Variants in BACH2 observed in about 807,000 individuals in gnomAD.
The protein encoded by BACH2 is transcription regulator protein BACH2.
Under a neutral mutation model 61.8 loss-of-function variants are expected in BACH2, and 5 were observed. That is an observed-to-expected ratio of 0.08 (90% CI 0.04 to 0.17). The LOEUF is 0.17. Ranked by LOEUF, BACH2 falls within the 10% of genes least tolerant of loss-of-function variation. BACH2 has a pLI of 1.00. For missense variants in BACH2, 824 were observed against 1,091.1 expected (o/e 0.76, Z 3.45); for synonymous variants, 446 against 440.1 (o/e 1.01, Z -0.17).
Position 90,064,666 on chromosome 6 carries a change from A to G in BACH2, c.-13+24295T>C, listed in dbSNP as rs1310359113. Among the ~76,000 whole-genome samples, 4 of 152,240 alleles carry G rather than the reference A, an allele frequency of 2.6e-5. No homozygotes were observed. In the East Asian group the frequency reaches 7.7e-4, roughly 29 times the overall value. Reference sequence around the variant, plus strand: ...TAATAAGTGGGTAGTAGGGGTAGACAGGAAATAACAAATGGATGGTAGAGC... The same window carrying G: ...TAATAAGTGGGTAGTAGGGGTAGACGGGAAATAACAAATGGATGGTAGAGC... On this transcript the variant is annotated intron_variant, in intron 5 of 8. Coordinates refer to ENST00000257749, the MANE Select transcript of BACH2 (RefSeq NM_021813.4).
chr6:90,016,038 C>A (rs778230799), intron 5 of BACH2, among the ~76,000 whole-genome samples: 1 of 152,070 alleles, frequency 6.6e-6, no homozygotes, highest in East Asian at 1.9e-4. Flanking sequence ...TGGAAATATT[C>A]TTTGCTCTGA....
At chr6:90,166,500 T>A (rs941543615) in intron 4 of BACH2, among the ~76,000 whole-genome samples, 3 of 152,204 alleles carry the variant, frequency 2.0e-5, no homozygotes, top group Non-Finnish European at 2.9e-5. Flanking sequence ...AGTGTGGCGA[T>A]TCCTCAGGGA....
intron 6 of BACH2, among the ~76,000 whole-genome samples, chr6:89,980,416 G>A (rs1775886799): frequency 6.6e-6 from 1 of 152,204 alleles, no homozygotes; most frequent in Non-Finnish European, 1.5e-5. Context: ...GCCATGTGCT[G>A]CTCTGTACAG....
intron 5 of BACH2, among the ~76,000 whole-genome samples, chr6:90,029,157 C>G (rs1024908987): frequency 2.6e-5 from 4 of 152,192 alleles, no homozygotes; most frequent in Non-Finnish European, 5.9e-5. Context: ...CAATAGTTCT[C>G]TAACTGCATA....
At chr6:89,971,041 CTATTT>C (rs1231216140) in intron 6 of BACH2, among the ~76,000 whole-genome samples, 1 of 152,160 alleles carries the variant, frequency 6.6e-6, no homozygotes, top group South Asian at 2.1e-4. Context: ...AGAATAAAGG[CTATTT>C]TATTTATTAG....
At chr6:90,164,579 C>T (rs1234890694) in intron 4 of BACH2, among the ~76,000 whole-genome samples, 2 of 152,146 alleles carry the variant, frequency 1.3e-5, no homozygotes, top group Non-Finnish European at 2.9e-5. Flanking sequence ...CAGCATCATC[C>T]TGATACCAAA....
intron 5 of BACH2, among the ~76,000 whole-genome samples, chr6:90,039,478 A>G (rs1167379400): frequency 1.3e-5 from 2 of 152,118 alleles, no homozygotes; most frequent in East Asian, 1.9e-4. Context: ...TCCGCGTCCC[A>G]GGTTCAAGCG....
chr6:90,160,191 A>G (rs923564049), intron 4 of BACH2, among the ~76,000 whole-genome samples: 7 of 152,228 alleles, frequency 4.6e-5, no homozygotes, highest in African/African-American at 1.7e-4. Context: ...ACAGACATGT[A>G]TTCAGTATCT....
Position 89,932,489 on chromosome 6 carries a change from G to C in BACH2, c.2445C>G (p.Ser815Arg), listed in dbSNP as rs772300752. The change falls in exon 9 of 9, where the codon AGC becomes AGG. Residue 815 changes from serine (S) to arginine (R), a missense_variant. This residue lies in a region of BACH2 where 135 missense variants were observed against 142.7 expected (regional missense o/e 0.95). Transcript: ENST00000257749. ...GGCAGAAGTCCACGGTCACTGTTTG[G>C]CTCCTGGGTTCAAGAGGAGGTCCTC... is the stretch of plus-strand genomic sequence containing the variant. The part of the protein sequence containing the change: ...SERGPPLEPR[S>R]QTVTVDFCQE... 1 of 1,613,942 alleles carries C rather than the reference G, an allele frequency of 6.2e-7. No individual in the cohort carries two copies. The highest frequency in any genetic ancestry group is 1.3e-5 in the African/African-American group (1 of 74,860).
In BACH2 at chr6:90,160,174, C is replaced by T. The variant is rs575679005; in HGVS notation, c.-162+46395G>A. Among the ~76,000 whole-genome samples, 51 of 152,300 alleles carry T rather than the reference C, an allele frequency of 3.3e-4. No individual in the cohort carries two copies. In the South Asian group the frequency reaches 5.0e-3, roughly 15 times the overall value. ...CAGTCCATCATCTCTTAAGGGGAAC[C>T]GTCATCACAGACATGTATTCAGTAT... On this transcript the variant is annotated intron_variant, in intron 4 of 8. Transcript: ENST00000257749.
chr6:89,980,565 T>C (rs1480378240), intron 6 of BACH2, among the ~76,000 whole-genome samples: 2 of 152,208 alleles, frequency 1.3e-5, no homozygotes, highest in Admixed American at 6.5e-5. Context: ...TGTTATGACC[T>C]GGTACAGTGC....
At chr6:90,223,410 A>T (rs1769807195) in intron 3 of BACH2, among the ~76,000 whole-genome samples, 1 of 152,212 alleles carries the variant, frequency 6.6e-6, no homozygotes, top group African/African-American at 2.4e-5. Context: ...GAACTGTTTC[A>T]TATAATGTAT....
intron 5 of BACH2, among the ~76,000 whole-genome samples, chr6:90,022,641 G>A (rs1562376559): frequency 2.0e-5 from 3 of 152,262 alleles, no homozygotes; most frequent in South Asian, 4.1e-4. Flanking sequence ...AGTCTGATAC[G>A]GAAACTGAGG....
intron 5 of BACH2, among the ~76,000 whole-genome samples, chr6:90,028,968 A>G (rs1778793551): frequency 6.6e-6 from 1 of 152,224 alleles, no homozygotes; most frequent in African/African-American, 2.4e-5. Context: ...CCAATTTAAC[A>G]TATAGTAACT....
intron 4 of BACH2, among the ~76,000 whole-genome samples, chr6:90,163,234 C>T (rs556461356): frequency 1.8e-4 from 28 of 152,248 alleles, no homozygotes; most frequent in African/African-American, 6.7e-4. Flanking sequence ...AGGGGAAAGG[C>T]CCTCTCTGTA....
rs75008199 is a variant in BACH2 at position 89,997,084 on chromosome 6, C to T, written c.243+11518G>A. The stretch of plus-strand genomic sequence containing the variant: ...ATTTTTTGGTGCCTCTCTCCCATGT[C>T]TAGCATCTTATACTGTTACAAAATC... On this transcript the variant is annotated intron_variant, in intron 6 of 8. Transcript: ENST00000257749. Among the ~76,000 whole-genome samples the T allele has an allele frequency of 4.3e-3, 649 of 152,164 alleles. 17 individuals carry two copies. In the East Asian group the frequency reaches 0.079, roughly 18 times the overall value.
At chr6:90,121,931 GC>G in intron 4 of BACH2, among the ~76,000 whole-genome samples, 1 of 152,146 alleles carries the variant, frequency 6.6e-6, no homozygotes, top group Non-Finnish European at 1.5e-5. Flanking sequence ...TCTGCCTTTT[GC>G]CCCCCATTTC....
chr6:90,010,796 C>T (rs2127781419), intron 5 of BACH2, among the ~76,000 whole-genome samples: 1 of 152,294 alleles, frequency 6.6e-6, no homozygotes, highest in Middle Eastern at 3.4e-3. Flanking sequence ...ATAGGTCTAT[C>T]ATATTTCTTT....
intron 4 of BACH2, among the ~76,000 whole-genome samples, chr6:90,175,701 T>G (rs780592197): frequency 6.6e-5 from 10 of 152,148 alleles, no homozygotes; most frequent in Admixed American, 2.0e-4. Flanking sequence ...TTCTGCATAT[T>G]AGATGTTTTG....
Sources: allele counts gnomAD v4.1 joint callset (sites outside exome capture counted in the v4.1 genomes callset), GRCh38; gene constraint gnomAD v4.1.1; regional missense constraint gnomAD v4.1.1; transcripts MANE v1.5; gene names NCBI Gene and HGNC (gene_info 2026-07-23, HGNC 2026-07-21).